XRCC2: variants seen among roughly 807,000 people sequenced by gnomAD.
XRCC2 encodes the protein X-ray repair cross complementing 2.
In XRCC2, 24 loss-of-function variants were observed where a neutral mutation model predicts 27.3. That is an observed-to-expected ratio of 0.88 (90% CI 0.64 to 1.24). The LOEUF (loss-of-function observed/expected upper bound fraction) is 1.24. Ranked by LOEUF, XRCC2 falls within the 50% of genes most tolerant of loss-of-function variation. XRCC2 has a pLI of 0.00. For missense variants in XRCC2, 321 were observed against 325.8 expected, an observed-to-expected ratio of 0.99 and a Z score of 0.11; for synonymous variants, 106 against 115.4, an observed-to-expected ratio of 0.92 and a Z score of 0.52.
chr7:152,648,636 T>C lies in XRCC2; in HGVS notation c.*6A>G, dbSNP rs2098027065. ...TACCCTGCAAAAGACTATTTTATGA[T>C]GTATATCAACAAAATTCAACCCCAC... On this transcript the variant is annotated 3_prime_UTR_variant, in exon 3 of 3. Coordinates refer to ENST00000359321, the MANE Select transcript of XRCC2 (RefSeq NM_005431.2). The C allele has an allele frequency of 6.3e-7, 1 of 1,585,700 alleles. No homozygotes were observed. The highest frequency in any genetic ancestry group is 8.6e-7 in the Non-Finnish European group (1 of 1,169,104).
intron 1 of XRCC2, among the ~76,000 whole-genome samples, chr7:152,665,487 CTTTTTTT>C (rs66692067): frequency 1.2e-4 from 10 of 84,326 alleles, no homozygotes; most frequent in Admixed American, 3.1e-4. Flanking sequence ...TAAGACAAAC[CTTTTTTT>C]TTTTTTTTTT....
At chr7:152,659,374 T>C (rs1378199977) in intron 2 of XRCC2, among the ~76,000 whole-genome samples, 1 of 152,164 alleles carries the variant, frequency 6.6e-6, no homozygotes, top group Admixed American at 6.5e-5. Context: ...GGTTTCACCA[T>C]ATTGGCCAGG....
chr7:152,673,517 C>A (rs1432361682), intron 1 of XRCC2, among the ~76,000 whole-genome samples: 1 of 152,014 alleles, frequency 6.6e-6, no homozygotes. Flanking sequence ...TATGAAATGT[C>A]TTTTCCTTGA....
At position 152,647,649 on chromosome 7, in the gene XRCC2, A is replaced by C. The variant is rs957444458; in HGVS notation, c.*993T>G. On this transcript the variant is annotated 3_prime_UTR_variant, in exon 3 of 3. Coordinates refer to ENST00000359321, the MANE Select transcript of XRCC2 (RefSeq NM_005431.2). ...GTTATCCCAGCACGATTTATTGAAT[A>C]GAGAATCCATTGCCCATTGCTTGTT... The C allele has an allele frequency of 1.3e-5, 2 of 152,218 alleles. No individual in the cohort carries two copies. Among genetic ancestry groups the C allele is most frequent in the Non-Finnish European group, 2.9e-5 (2 of 68,040 alleles). The allele number at this position is 152,218 out of a possible 1,614,324, so 9.4% of individuals were successfully genotyped here. A position where few individuals can be genotyped will look rare whatever the true frequency, so the allele number is the denominator to read the frequency against.
intron 2 of XRCC2, among the ~76,000 whole-genome samples, chr7:152,658,244 G>A (rs1027586233): frequency 4.0e-5 from 6 of 151,706 alleles, no homozygotes; most frequent in African/African-American, 7.3e-5. Context: ...AATCCCTCCC[G>A]GGTTCATGCC....
At chr7:152,656,534 A>G (rs1018099869) in intron 2 of XRCC2, among the ~76,000 whole-genome samples, 6 of 152,218 alleles carry the variant, frequency 3.9e-5, no homozygotes, top group Non-Finnish European at 7.3e-5. Flanking sequence ...TCTATCTGCT[A>G]TTGTTCCAAT....
At chr7:152,674,678 A>AT (rs1180944171) in intron 1 of XRCC2, among the ~76,000 whole-genome samples, 5 of 19,694 alleles carry the variant, frequency 2.5e-4, no homozygotes, top group African/African-American at 1.0e-3. Context: ...TATAATCTAT[A>AT]TTATAAATAT....
chr7:152,660,774 G>T lies in XRCC2; in HGVS notation c.48C>A (p.Ala16=). 1 of 1,610,964 alleles carries T rather than the reference G, an allele frequency of 6.2e-7. No homozygotes were observed. Among genetic ancestry groups the T allele is most frequent in the Non-Finnish European group, 8.5e-7 (1 of 1,179,032 alleles). ...TCAAGGAACTTCTACCTTCAAGTCG[G>T]GCAAGGAGCTTATAAAAGAAGAGAG... ...HRAESGTELL[A]RLEGRSSLKE... The change falls in exon 2 of 3, where the codon GCC becomes GCA. Residue 16 remains alanine, a synonymous_variant. Transcript: ENST00000359321.
At chr7:152,674,345 G>A (rs866692935) in intron 1 of XRCC2, among the ~76,000 whole-genome samples, 2 of 152,172 alleles carry the variant, frequency 1.3e-5, no homozygotes, top group Non-Finnish European at 2.9e-5. Context: ...GCCGGGCGCA[G>A]TGGCTCACAC....
rs1029206749 is a variant in XRCC2 at position 152,648,235 on chromosome 7, C to T, written c.*407G>A. ...CAGCCTGGCCAACATGGTGAAACCC[C>T]GTCTCTATTAAAAATACAAAAATTA... On this transcript the variant is annotated 3_prime_UTR_variant, in exon 3 of 3. Transcript: ENST00000359321. 1.9e-5 allele frequency: 3 copies of T among 154,226 alleles called. No homozygotes were observed. The highest frequency in any genetic ancestry group is 4.0e-4 in the South Asian group (2 of 4,946). 9.6% of individuals were successfully genotyped at this position (154,226 alleles called of 1,614,324 possible). A position where few individuals can be genotyped will look rare whatever the true frequency, so the allele number is the denominator to read the frequency against.
chr7:152,654,185 G>A (rs1249924975), intron 2 of XRCC2, among the ~76,000 whole-genome samples: 1 of 81,272 alleles, frequency 1.2e-5, no homozygotes. Context: ...CAACAGGAGT[G>A]AAACTCCATC....
chr7:152,675,191 C>T (rs1028903086), intron 1 of XRCC2, among the ~76,000 whole-genome samples: 1 of 152,104 alleles, frequency 6.6e-6, no homozygotes. Context: ...TAGCCATGCT[C>T]TTGCTTAATT....
At chr7:152,663,335 T>G (rs3218454) in intron 1 of XRCC2, among the ~76,000 whole-genome samples, 1 of 107,732 alleles carries the variant, frequency 9.3e-6, no homozygotes, top group Admixed American at 1.1e-4. Context: ...TACGTAAGAA[T>G]GTCTTTGAAG....
chr7:152,649,230 G>GTAA lies in XRCC2; in HGVS notation c.252_254dup (p.Tyr85dup). ...TAACTAGCCGGAGCATATCAAAGTG[G>GTAA]TAATCTGTATCAATAAATAAGACTT... On this transcript the variant is annotated inframe_insertion, in exon 3 of 3. Transcript: ENST00000359321. 1 of 1,613,842 alleles carries GTAA rather than the reference G, an allele frequency of 6.2e-7. No homozygotes were observed. The highest frequency in any genetic ancestry group is 8.5e-7 in the Non-Finnish European group (1 of 1,180,024).
intron 2 of XRCC2, among the ~76,000 whole-genome samples, chr7:152,654,846 G>T (rs1380229316): frequency 6.6e-6 from 1 of 152,306 alleles, no homozygotes; most frequent in South Asian, 2.1e-4. Context: ...ACTTGCAAGA[G>T]ACACATGAAT....
chr7:152,676,130 C>T lies in XRCC2; in HGVS notation c.-51G>A. On this transcript the variant is annotated 5_prime_UTR_variant, in exon 1 of 3. An upstream start codon of the reference 5' UTR is lost. Coordinates refer to ENST00000359321, the MANE Select transcript of XRCC2 (RefSeq NM_005431.2). ...GACTCAACTTTCCCGCCACCAACGC[C>T]ATTCACCAACTGCGCAGACTCTACG... The T allele has an allele frequency of 6.2e-7, 1 of 1,612,450 alleles. No homozygotes were observed. The highest frequency in any genetic ancestry group is 2.2e-5 in the East Asian group (1 of 44,866).
intron 1 of XRCC2, 147 bp from the exon 2 acceptor site, chr7:152,660,929 G>A: frequency 1.5e-6 from 1 of 660,132 alleles, no homozygotes; most frequent in East Asian, 2.9e-5. Context: ...AATACTTTGG[G>A]AGGCCAAGGT....
rs1057522924 is a variant in XRCC2 at position 152,676,029 on chromosome 7, G to A, written c.39+12C>T. The A allele has an allele frequency of 4.6e-5, 75 of 1,613,664 alleles. No homozygotes were observed. The highest frequency in any genetic ancestry group is 6.2e-5 in the Non-Finnish European group (73 of 1,179,778). On this transcript the variant is annotated intron_variant, in intron 1 of 2. Coordinates refer to ENST00000359321, the MANE Select transcript of XRCC2 (RefSeq NM_005431.2). ...TTCCCATCTCCCTCACTCCCAACCC[G>A]GCGGCTCTCACCTCGGTCCCAGACT...
chr7:152,670,131 C>A (rs1236036173), intron 1 of XRCC2, among the ~76,000 whole-genome samples: 1 of 151,780 alleles, frequency 6.6e-6, no homozygotes. Flanking sequence ...TGCCTTTTTT[C>A]CTTCTACCTG....
Sources: allele counts gnomAD v4.1 joint callset (sites outside exome capture counted in the v4.1 genomes callset), GRCh38; gene constraint gnomAD v4.1.1; transcripts MANE v1.5; gene names NCBI Gene and HGNC (gene_info 2026-07-23, HGNC 2026-07-21).